CYFIP2: variants seen among roughly 807,000 people sequenced by gnomAD.
CYFIP2 encodes the protein cytoplasmic FMR1 interacting protein 2, also known as cytoplasmic FMR1-interacting protein 2.
Under a neutral mutation model 158.7 loss-of-function variants are expected in CYFIP2, and 29 were observed. That is an observed-to-expected ratio of 0.18 (90% CI 0.14 to 0.25). CYFIP2 has a LOEUF of 0.25. Among genes scored for constraint, CYFIP2 ranks in the 10% least tolerant of loss-of-function variants. The probability of loss-of-function intolerance (pLI) is 1.00; values close to 1 mark genes in which losing one functional copy is unlikely to be tolerated. For missense variants in CYFIP2, 852 were observed against 1,639.5 expected (o/e 0.52, Z 8.29); for synonymous variants, 585 against 617.6 (o/e 0.95, Z 0.78).
intron 26 of CYFIP2, chr5:157,376,885 T>G (rs778860916): frequency 2.2e-6 from 1 of 456,374 alleles, no homozygotes; most frequent in South Asian, 1.6e-5. Context: ...ACATCTTCTC[T>G]TCCGTGTCCA....
chr5:157,270,732 C>T (rs1456008802), intron 1 of CYFIP2, among the ~76,000 whole-genome samples: 1 of 152,156 alleles, frequency 6.6e-6, no homozygotes, highest in Non-Finnish European at 1.5e-5. Context: ...AAGAACTCTC[C>T]TCAGATTCTT....
chr5:157,307,141 AT>A (rs1382982065), intron 8 of CYFIP2, among the ~76,000 whole-genome samples: 1 of 152,062 alleles, frequency 6.6e-6, no homozygotes, highest in African/African-American at 2.4e-5. Flanking sequence ...TCAGGAAGAG[AT>A]TTTTTTTAAA....
intron 3 of CYFIP2, among the ~76,000 whole-genome samples, chr5:157,292,508 C>T (rs1380455401): frequency 5.3e-5 from 8 of 152,166 alleles, no homozygotes; most frequent in Non-Finnish European, 8.8e-5. Flanking sequence ...CGTGAGCCAC[C>T]GCGCCTGGCC....
chr5:157,323,882 G>T, intron 15 of CYFIP2, 39 bp from the exon 16 acceptor site: 1 of 1,493,526 alleles, frequency 6.7e-7, no homozygotes, highest in African/African-American at 1.4e-5. Context: ...GGGGTAGAGG[G>T]CCAGCTTCTG....
At chr5:157,312,873 T>C (rs1313329607) in intron 11 of CYFIP2, among the ~76,000 whole-genome samples, 1 of 152,220 alleles carries the variant, frequency 6.6e-6, no homozygotes, top group Non-Finnish European at 1.5e-5. Flanking sequence ...TAAAAATTTT[T>C]TTTAATATTT....
intron 26 of CYFIP2, among the ~76,000 whole-genome samples, chr5:157,367,702 C>G (rs1321103545): frequency 2.0e-5 from 3 of 150,200 alleles, no homozygotes; most frequent in Non-Finnish European, 3.0e-5. Context: ...CTCAGAGAAG[C>G]AGAAAGAAAA....
intron 15 of CYFIP2, chr5:157,322,907 C>T (rs1255269742): frequency 2.6e-6 from 4 of 1,510,918 alleles, no homozygotes; most frequent in Non-Finnish European, 3.6e-6. Context: ...CCTGCCCTCC[C>T]ATTCCCTCTT....
intron 23 of CYFIP2, chr5:157,342,751 G>T (rs1434279204): frequency 5.5e-6 from 6 of 1,086,732 alleles, no homozygotes; most frequent in Non-Finnish European, 7.7e-6. Context: ...ACCTACAATA[G>T]CAGTGACGTT....
At chr5:157,279,178 T>C (rs1206943052) in intron 1 of CYFIP2, among the ~76,000 whole-genome samples, 1 of 152,196 alleles carries the variant, frequency 6.6e-6, no homozygotes, top group East Asian at 1.9e-4. Flanking sequence ...ATAATCAAAA[T>C]AAACATTGAG....
intron 17 of CYFIP2, 86 bp from the exon 18 acceptor site, chr5:157,326,077 CTGTGAACT>C: frequency 1.0e-6 from 1 of 963,250 alleles, no homozygotes; most frequent in Non-Finnish European, 1.7e-6. Flanking sequence ...CTTTTCCTGA[CTGTGAACT>C]TGTTTCTATT....
At chr5:157,287,155 G>A (rs2113848578) in intron 3 of CYFIP2, 47 bp downstream of exon 3, 1 of 1,526,718 alleles carries the variant, frequency 6.5e-7, no homozygotes, top group Middle Eastern at 1.7e-4. Context: ...CTGCTGGGCT[G>A]GCAGGGGCCG....
At chr5:157,273,462 A>G (rs1318556703) in intron 1 of CYFIP2, among the ~76,000 whole-genome samples, 1 of 152,162 alleles carries the variant, frequency 6.6e-6, no homozygotes, top group Non-Finnish European at 1.5e-5. Flanking sequence ...GGGCAGCCCC[A>G]GGACCTGACA....
At chr5:157,321,379 T>C (rs928115273) in intron 15 of CYFIP2, among the ~76,000 whole-genome samples, 25 of 152,218 alleles carry the variant, frequency 1.6e-4, no homozygotes, top group African/African-American at 6.0e-4. Flanking sequence ...AGTGCAAGTA[T>C]TGAAAGCCCT....
rs73814092 is a variant in CYFIP2, at chr5:157,288,706, C to T, written c.207+1598C>T. 4.7e-3 allele frequency: 2,079 copies of T among 441,238 alleles called. 43 individuals carry two copies. Among genetic ancestry groups the T allele is most frequent in the African/African-American group, 0.037 (1,833 of 48,950 alleles). 27.3% of individuals were successfully genotyped at this position (441,238 alleles called of 1,614,324 possible). ...ATTTTGCCGATGGGGAAAACTGGAG[C>T]CCAAAAAAATTGCATAACTTACTCA... On this transcript the variant is annotated intron_variant, in intron 3 of 30. Coordinates refer to ENST00000620254, the MANE Select transcript of CYFIP2 (RefSeq NM_001037333.3).
intron 18 of CYFIP2, 141 bp downstream of exon 18, chr5:157,326,408 C>T (rs564178691): frequency 1.1e-5 from 8 of 714,506 alleles, no homozygotes; most frequent in Admixed American, 2.3e-5. Flanking sequence ...CATCAGAAGG[C>T]CTGTGTAACC....
intron 20 of CYFIP2, among the ~76,000 whole-genome samples, chr5:157,331,727 A>T (rs62390095): frequency 0.27 from 40,465 of 152,112 alleles, 5,942 homozygotes; most frequent in Non-Finnish European, 0.34. Context: ...CAATGCAGCC[A>T]GAATTAGCCA....
At chr5:157,314,810 CT>C (rs1346615236) in intron 12 of CYFIP2, among the ~76,000 whole-genome samples, 158 bp from the exon 13 acceptor site, 1 of 152,182 alleles carries the variant, frequency 6.6e-6, no homozygotes, top group Non-Finnish European at 1.5e-5. Flanking sequence ...TATCAGGCTT[CT>C]TTTCTTTTGC....
At chr5:157,369,885 T>TTTTG (rs1561774768) in intron 26 of CYFIP2, among the ~76,000 whole-genome samples, 17 of 148,794 alleles carry the variant, frequency 1.1e-4, no homozygotes, top group African/African-American at 4.2e-4. Context: ...CCTAGTTTTT[T>TTTTG]TTTTTTTTTT....
In CYFIP2 at chr5:157,392,693, G is replaced by A. The variant is rs555446836; in HGVS notation, c.3595-140G>A. On this transcript the variant is annotated intron_variant, in intron 30 of 30. Transcript: ENST00000620254. ...GTTAACACTTGATTGCCAGATCCAGGGGATTCCATAAAAGGACTTTAAGAA... is the reference window on the plus strand; with the variant it reads ...GTTAACACTTGATTGCCAGATCCAGAGGATTCCATAAAAGGACTTTAAGAA... 256 of 920,982 alleles carry A rather than the reference G, an allele frequency of 2.8e-4. No individual in the cohort carries two copies. The African/African-American group carries it at 4.0e-3, about 14-fold the overall frequency. 57.1% of individuals were successfully genotyped at this position (920,982 alleles called of 1,614,324 possible).
Sources: gnomAD v4.1 joint callset for allele counts (sites outside exome capture counted in the v4.1 genomes callset) on GRCh38, gnomAD v4.1.1 for gene constraint, MANE v1.5 for transcripts, NCBI Gene and HGNC (gene_info 2026-07-23, HGNC 2026-07-21) for gene names.